The following HIP1 variants were observed in gnomAD, a reference collection of about 807,000 sequenced individuals.
HIP1 encodes huntingtin interacting protein 1.
In HIP1, 65 loss-of-function variants were observed where a neutral mutation model predicts 147.6. The observed-to-expected ratio is 0.44, with a 90% CI of 0.36 to 0.54. HIP1 has a LOEUF of 0.54. Ranked by LOEUF, HIP1 falls within the 20% of genes least tolerant of loss-of-function variation. HIP1 has a pLI of 0.00. For missense variants in HIP1, 1,061 were observed against 1,299.6 expected (o/e 0.82, Z 2.82); for synonymous variants, 479 against 504.0 (o/e 0.95, Z 0.67).
At chr7:75,651,682 G>A (rs904436022) in intron 1 of HIP1, among the ~76,000 whole-genome samples, 8 of 151,972 alleles carry the variant, frequency 5.3e-5, no homozygotes, top group African/African-American at 1.4e-4. Flanking sequence ...CTTATTCTAC[G>A]TGTGGCCTTG....
At chr7:75,732,728 T>C (rs1460207910) in intron 1 of HIP1, among the ~76,000 whole-genome samples, 1 of 152,180 alleles carries the variant, frequency 6.6e-6, no homozygotes, top group Non-Finnish European at 1.5e-5. Context: ...CCACTCTGTG[T>C]CTTTTCCTCT....
chr7:75,676,694 T>A (rs1210381313), intron 1 of HIP1, among the ~76,000 whole-genome samples: 1 of 151,504 alleles, frequency 6.6e-6, no homozygotes, highest in Admixed American at 6.6e-5. Context: ...AAGAATCGCT[T>A]GAACCCAGGA....
chr7:75,731,150 G>A (rs1801824849), intron 1 of HIP1, among the ~76,000 whole-genome samples: 1 of 151,924 alleles, frequency 6.6e-6, no homozygotes, highest in Non-Finnish European at 1.5e-5. Flanking sequence ...CCCACTAAAG[G>A]AGCAAGGTTG....
chr7:75,590,778 G>C (rs1451847396), intron 4 of HIP1, among the ~76,000 whole-genome samples: 1 of 152,166 alleles, frequency 6.6e-6, no homozygotes, highest in East Asian at 1.9e-4. Flanking sequence ...ACATGTTACA[G>C]GGAACGTTTT....
intron 1 of HIP1, among the ~76,000 whole-genome samples, chr7:75,708,441 C>G (rs1395223691): frequency 6.6e-6 from 1 of 152,112 alleles, no homozygotes; most frequent in African/African-American, 2.4e-5. Flanking sequence ...AATGTCACGA[C>G]AGTTTTGCCC....
At chr7:75,738,432 C>T (rs1554523930) in intron 1 of HIP1, among the ~76,000 whole-genome samples, 1 of 152,178 alleles carries the variant, frequency 6.6e-6, no homozygotes, top group African/African-American at 2.4e-5. Context: ...ACACTTGAGC[C>T]TCCAAGTGGC....
intron 1 of HIP1, among the ~76,000 whole-genome samples, chr7:75,642,754 GA>G (rs1798687127): frequency 6.6e-6 from 1 of 152,096 alleles, no homozygotes; most frequent in Non-Finnish European, 1.5e-5. Flanking sequence ...TACCTTCCCT[GA>G]CCCATCGGAC....
chr7:75,554,016 G>A (rs587688114), intron 21 of HIP1, 97 bp downstream of exon 21: 6 of 836,086 alleles, frequency 7.2e-6, no homozygotes, highest in Middle Eastern at 3.3e-4. Context: ...AAGTGCTGGA[G>A]TTACAGGCAT....
At position 75,534,163 on chromosome 7, in the gene HIP1, G is replaced by A. The variant is rs587764373; in HGVS notation, c.*4009C>T. Reference sequence around the variant, plus strand: ...GGGGCCAAAGCCAACTAATCTGACCGGAGCGACATGTACCTGTGATTCCCG... The same window carrying A: ...GGGGCCAAAGCCAACTAATCTGACCAGAGCGACATGTACCTGTGATTCCCG... On this transcript the variant is annotated 3_prime_UTR_variant, in exon 31 of 31. Coordinates refer to ENST00000336926, the MANE Select transcript of HIP1 (RefSeq NM_005338.7). The A allele has an allele frequency of 1.6e-4, 36 of 229,166 alleles. No homozygotes were observed. In the South Asian group the frequency reaches 5.8e-3, roughly 37 times the overall value. The allele number at this position is 229,166 out of a possible 1,614,324, so 14.2% of individuals were successfully genotyped here.
intron 1 of HIP1, among the ~76,000 whole-genome samples, chr7:75,657,745 G>C (rs1178820970): frequency 6.6e-6 from 1 of 151,880 alleles, no homozygotes; most frequent in Non-Finnish European, 1.5e-5. Context: ...CAAAAGGCAG[G>C]AGGGAAGGAG....
rs1794123539 is a variant in HIP1 at position 75,537,401 on chromosome 7, A to T, written c.*771T>A. ...GCACTTGGTCAGTGTGGAGGCGGAG[A>T]TGGAGCACCGAGAGGCCTGGGCAGC... is the stretch of plus-strand genomic sequence containing the variant. On this transcript the variant is annotated 3_prime_UTR_variant, in exon 31 of 31. Coordinates refer to ENST00000336926, the MANE Select transcript of HIP1 (RefSeq NM_005338.7). 4.3e-6 allele frequency: 1 copy of T among 232,582 alleles called. No individual in the cohort carries two copies. Among genetic ancestry groups the T allele is most frequent in the Admixed American group, 5.6e-5 (1 of 17,722 alleles). 14.4% of individuals were successfully genotyped at this position (232,582 alleles called of 1,614,324 possible).
intron 17 of HIP1, 85 bp from the exon 18 acceptor site, chr7:75,556,254 T>A: frequency 6.7e-7 from 1 of 1,497,370 alleles, no homozygotes; most frequent in South Asian, 1.2e-5. Flanking sequence ...CACCACCGGG[T>A]TGCAAGGACT....
At chr7:75,728,824 G>A (rs553393539) in intron 1 of HIP1, among the ~76,000 whole-genome samples, 1 of 150,088 alleles carries the variant, frequency 6.7e-6, no homozygotes, top group East Asian at 2.0e-4. Context: ...AGGGACCAGG[G>A]ACCAGGGACG....
rs975030774 is a variant in HIP1 at position 75,577,727 on chromosome 7, C to T, written c.604+3510G>A. On this transcript the variant is annotated intron_variant, in intron 7 of 30. Transcript: ENST00000336926. ...ATATAAAACCAGAGCAGGCTGGGCA[C>T]GGTGGCTCATGCCTATAATCCAAGC... 8.5e-5 allele frequency among the ~76,000 whole-genome samples: 13 copies of T among 152,208 alleles called. No individual in the cohort carries two copies. The East Asian group carries it at 9.7e-4, about 11-fold the overall frequency.
intron 1 of HIP1, among the ~76,000 whole-genome samples, chr7:75,609,628 G>A (rs2117049769): frequency 6.6e-6 from 1 of 151,638 alleles, no homozygotes; most frequent in African/African-American, 2.4e-5. Context: ...CGCAATCTCG[G>A]CTCAGTGCAA....
Position 75,537,023 on chromosome 7 carries a change from C to T in HIP1, c.*1149G>A, listed in dbSNP as rs587774262. ...CTATTCAAGAGGATGCCAAGGCAGA[C>T]GTCTGCAGAAAGGAGTTGGGAATCA... On this transcript the variant is annotated 3_prime_UTR_variant, in exon 31 of 31. Transcript: ENST00000336926. 39 of 232,300 alleles carry T rather than the reference C, an allele frequency of 1.7e-4. No homozygotes were observed. Among genetic ancestry groups the T allele is most frequent in the South Asian group, 7.2e-4 (4 of 5,528 alleles). 14.4% of individuals were successfully genotyped at this position (232,300 alleles called of 1,614,324 possible).
chr7:75,697,783 A>T (rs1275432843), intron 1 of HIP1, among the ~76,000 whole-genome samples: 2 of 152,176 alleles, frequency 1.3e-5, no homozygotes, highest in Non-Finnish European at 2.9e-5. Context: ...CTACACTCCA[A>T]CCTGGGCGAC....
intron 1 of HIP1, among the ~76,000 whole-genome samples, chr7:75,648,447 G>A (rs1554511423): frequency 6.6e-6 from 1 of 152,084 alleles, no homozygotes; most frequent in African/African-American, 2.4e-5. Flanking sequence ...TGAACACTCT[G>A]CCCCTGATAT....
rs75446973 is a variant in HIP1, at chr7:75,609,349, A to G, written c.121-10102T>C. Among the ~76,000 whole-genome samples, 737 of 152,208 alleles carry G rather than the reference A, an allele frequency of 4.8e-3. 11 individuals carry two copies. The highest frequency in any genetic ancestry group is 0.017 in the African/African-American group (698 of 41,546). On this transcript the variant is annotated intron_variant, in intron 1 of 30. Coordinates refer to ENST00000336926, the MANE Select transcript of HIP1 (RefSeq NM_005338.7). Reference sequence around the variant, plus strand: ...CATTCTGGGTTCTAAGGCAACCTGTAGGTCCCCCAGGGGGCCAGGGAATGT... The same window carrying G: ...CATTCTGGGTTCTAAGGCAACCTGTGGGTCCCCCAGGGGGCCAGGGAATGT...
Sources: gnomAD v4.1 joint callset for allele counts (sites outside exome capture counted in the v4.1 genomes callset) on GRCh38, gnomAD v4.1.1 for gene constraint, MANE v1.5 for transcripts, NCBI Gene and HGNC (gene_info 2026-07-23, HGNC 2026-07-21) for gene names.